The following TLL2 variants were observed in gnomAD, a reference collection of about 807,000 sequenced individuals.
The protein encoded by TLL2 is tolloid like 2, also known as tolloid-like protein 2.
Under a neutral mutation model 123.0 loss-of-function variants are expected in TLL2, and 106 were observed. The observed-to-expected ratio is 0.86, with a 90% CI of 0.74 to 1.01. The LOEUF is 1.01. Ranked by LOEUF, TLL2 falls within the 50% of genes least tolerant of loss-of-function variation. The pLI is 0.00. For missense variants in TLL2, 1,332 were observed against 1,336.7 expected (o/e 1.00, Z 0.06); for synonymous variants, 494 against 516.8 (o/e 0.96, Z 0.60).
intron 2 of TLL2, among the ~76,000 whole-genome samples, chr10:96,446,717 C>G (rs971426264): frequency 6.6e-6 from 1 of 152,312 alleles, no homozygotes; most frequent in Admixed American, 6.5e-5. Flanking sequence ...AATTAGACTC[C>G]ATAGACACTC....
At chr10:96,456,378 G>A (rs1213386575) in intron 2 of TLL2, among the ~76,000 whole-genome samples, 16 of 152,126 alleles carry the variant, frequency 1.1e-4, no homozygotes, top group Non-Finnish European at 2.9e-5. Context: ...CAGGAGACAG[G>A]GGCAGGGCCT....
chr10:96,415,765 C>G (rs1235605891), intron 7 of TLL2, among the ~76,000 whole-genome samples: 6 of 119,272 alleles, frequency 5.0e-5, no homozygotes, highest in Admixed American at 9.1e-5. Context: ...CTCTCTCTCT[C>G]TGTCTCTCTC....
rs1177349566 is a variant in TLL2 at position 96,396,581 on chromosome 10, C to CTTTTTTT, written c.1385-568_1385-562dup. 9.6e-5 allele frequency among the ~76,000 whole-genome samples: 12 copies of CTTTTTTT among 125,378 alleles called. 1 individual carries two copies. Among genetic ancestry groups the CTTTTTTT allele is most frequent in the Non-Finnish European group, 2.0e-4 (12 of 60,152 alleles). 82.3% of individuals were successfully genotyped at this position (125,378 alleles called of 152,430 possible). A position where few individuals can be genotyped will look rare whatever the true frequency, so the allele number is the denominator to read the frequency against. Reference sequence around the variant, plus strand: ...TAATTTTCTGGTAGTTTTCCCCTTTCTTTTTTTTTTTTTTTTTTTGGTAGA... The same window carrying CTTTTTTT: ...TAATTTTCTGGTAGTTTTCCCCTTTCTTTTTTTTTTTTTTTTTTTTTTTTTTGGTAGA... On this transcript the variant is annotated intron_variant, in intron 11 of 20. Coordinates refer to ENST00000357947, the MANE Select transcript of TLL2 (RefSeq NM_012465.4).
intron 16 of TLL2, among the ~76,000 whole-genome samples, chr10:96,383,892 A>G (rs56260737): frequency 0.32 from 48,926 of 151,634 alleles, 9,789 homozygotes; most frequent in Non-Finnish European, 0.45. Flanking sequence ...CGGCCTCCCA[A>G]AGTGCTGGGA....
chr10:96,403,077 CCCT>C, intron 10 of TLL2, among the ~76,000 whole-genome samples: 1 of 152,302 alleles, frequency 6.6e-6, no homozygotes, highest in East Asian at 1.9e-4. Flanking sequence ...CCCTACAGAC[CCCT>C]CTACGAGTGA....
chr10:96,365,137 A>G lies in TLL2; in HGVS notation c.*2951T>C, dbSNP rs141563055. The G allele has an allele frequency of 6.6e-5, 10 of 152,342 alleles. No individual in the cohort carries two copies. The highest frequency in any genetic ancestry group is 5.8e-4 in the East Asian group (3 of 5,190). 9.4% of individuals were successfully genotyped at this position (152,342 alleles called of 1,614,324 possible). On this transcript the variant is annotated 3_prime_UTR_variant, in exon 21 of 21. Coordinates refer to ENST00000357947, the MANE Select transcript of TLL2 (RefSeq NM_012465.4). The stretch of plus-strand genomic sequence containing the variant: ...AAAAAATCACAGAAAGAATCTTACA[A>G]TGTTTTTTAAAAAGTTTACGAATTT...
chr10:96,433,105 G>A (rs1312930783), intron 3 of TLL2, 143 bp from the exon 4 acceptor site: 1 of 1,087,900 alleles, frequency 9.2e-7, no homozygotes, highest in Non-Finnish European at 1.3e-6. Context: ...GGGTTTGGAA[G>A]CCCTGGGTGG....
chr10:96,444,937 C>T (rs1420746581), intron 3 of TLL2, among the ~76,000 whole-genome samples: 1 of 152,194 alleles, frequency 6.6e-6, no homozygotes, highest in African/African-American at 2.4e-5. Flanking sequence ...CGCCTGTAAT[C>T]CCAGCACTTT....
At position 96,365,619 on chromosome 10, in the gene TLL2, G is replaced by A. The variant is rs1407901914; in HGVS notation, c.*2469C>T. 5 of 152,250 alleles carry A rather than the reference G, an allele frequency of 3.3e-5. No individual in the cohort carries two copies. Among genetic ancestry groups the A allele is most frequent in the African/African-American group, 9.6e-5 (4 of 41,464 alleles). 9.4% of individuals were successfully genotyped at this position (152,250 alleles called of 1,614,324 possible). A position where few individuals can be genotyped will look rare whatever the true frequency, so the allele number is the denominator to read the frequency against. ...TGCTTCTGGGGATGCTTGCAGGCAG[G>A]TCACTGATAATTGGAAGCACCAAGG... On this transcript the variant is annotated 3_prime_UTR_variant, in exon 21 of 21. Coordinates refer to ENST00000357947, the MANE Select transcript of TLL2 (RefSeq NM_012465.4).
At chr10:96,406,188 C>T (rs1453347864) in intron 9 of TLL2, among the ~76,000 whole-genome samples, 8 of 152,092 alleles carry the variant, frequency 5.3e-5, no homozygotes, top group Admixed American at 3.9e-4. Flanking sequence ...TGAACTGGCT[C>T]TGGTCCCCCT....
chr10:96,500,115 A>C (rs28689614), intron 1 of TLL2, among the ~76,000 whole-genome samples: 2 of 141,394 alleles, frequency 1.4e-5, no homozygotes, highest in Non-Finnish European at 1.5e-5. Context: ...AAAAAAAAAA[A>C]AAAAAGAAAA....
chr10:96,501,414 G>T (rs1403077057), intron 1 of TLL2, among the ~76,000 whole-genome samples: 1 of 152,052 alleles, frequency 6.6e-6, no homozygotes, highest in Non-Finnish European at 1.5e-5. Context: ...GCATCCTCAT[G>T]CTCCAGGACT....
rs61857629 is a variant in TLL2 at position 96,473,964 on chromosome 10, G to C, written c.286+6385C>G. Among the ~76,000 whole-genome samples the C allele has an allele frequency of 6.2e-3, 946 of 152,298 alleles. 5 individuals are homozygous for C. Among genetic ancestry groups the C allele is most frequent in the Non-Finnish European group, 9.5e-3 (647 of 68,026 alleles). On this transcript the variant is annotated intron_variant, in intron 2 of 20. Transcript: ENST00000357947. ...GGTTCAGCCACTCTCGTATCGAAAAGGGTGCAAGAGGGTCGGAAAGTGTAT... is the reference window on the plus strand; with the variant it reads ...GGTTCAGCCACTCTCGTATCGAAAACGGTGCAAGAGGGTCGGAAAGTGTAT...
intron 3 of TLL2, among the ~76,000 whole-genome samples, 197 bp from the exon 4 acceptor site, chr10:96,433,159 G>A (rs1253802822): frequency 6.6e-6 from 1 of 152,102 alleles, no homozygotes; most frequent in Non-Finnish European, 1.5e-5. Context: ...AAATGTACCG[G>A]GCTATGATGG....
At chr10:96,495,733 T>A (rs914213797) in intron 1 of TLL2, among the ~76,000 whole-genome samples, 13 of 152,098 alleles carry the variant, frequency 8.5e-5, no homozygotes, top group Non-Finnish European at 1.6e-4. Context: ...GAGATGTGAA[T>A]CACGCCTCCT....
At chr10:96,372,109 G>A (rs991084812) in intron 19 of TLL2, among the ~76,000 whole-genome samples, 2 of 152,184 alleles carry the variant, frequency 1.3e-5, no homozygotes, top group African/African-American at 2.4e-5. Flanking sequence ...AAGCACCTGT[G>A]TTCCTGCTGG....
chr10:96,374,986 C>T, intron 18 of TLL2, among the ~76,000 whole-genome samples: 1 of 121,820 alleles, frequency 8.2e-6, no homozygotes, highest in Non-Finnish European at 1.7e-5. Context: ...GGTGTCAATT[C>T]AAAAGAGCGG....
chr10:96,412,593 A>G (rs556199498), intron 8 of TLL2, among the ~76,000 whole-genome samples: 21 of 152,264 alleles, frequency 1.4e-4, no homozygotes, highest in Admixed American at 1.4e-3. Flanking sequence ...GGGAACAGGC[A>G]TTTGCTCCAA....
At chr10:96,491,896 A>G (rs1170455283) in intron 1 of TLL2, among the ~76,000 whole-genome samples, 1 of 152,148 alleles carries the variant, frequency 6.6e-6, no homozygotes, top group African/African-American at 2.4e-5. Context: ...CACTGCAGTA[A>G]TGACAGTAAG....
Sources: gnomAD v4.1 joint callset for allele counts (sites outside exome capture counted in the v4.1 genomes callset) on GRCh38, gnomAD v4.1.1 for gene constraint, MANE v1.5 for transcripts, NCBI Gene and HGNC (gene_info 2026-07-23, HGNC 2026-07-21) for gene names.